Variants in FARP1 observed in about 807,000 individuals in gnomAD.
The protein encoded by FARP1 is FERM, ARHGEF and pleckstrin domain-containing protein 1.
Under a neutral mutation model 128.8 loss-of-function variants are expected in FARP1, and 52 were observed. The observed-to-expected ratio is 0.40, with a 90% confidence interval of 0.32 to 0.51. The LOEUF (loss-of-function observed/expected upper bound fraction) is 0.51, where lower values mean the gene tolerates loss of function less well. Ranked by LOEUF, FARP1 falls within the 20% of genes least tolerant of loss-of-function variation. The pLI is 0.45. For synonymous variants in FARP1, 580 were observed against 551.8 expected, an observed-to-expected ratio of 1.05 and a Z score of -0.72; for missense variants, 1,333 against 1,367.9, an observed-to-expected ratio of 0.97 and a Z score of 0.40.
intron 4 of FARP1, among the ~76,000 whole-genome samples, chr13:98,367,440 C>T (rs890877626): frequency 7.2e-5 from 11 of 152,012 alleles, no homozygotes; most frequent in African/African-American, 1.7e-4. Flanking sequence ...TGAGCCACCG[C>T]GCCTGGCCAC....
At chr13:98,383,420 C>T (rs1889965789) in intron 6 of FARP1, among the ~76,000 whole-genome samples, 2 of 152,180 alleles carry the variant, frequency 1.3e-5, no homozygotes, top group African/African-American at 4.8e-5. Flanking sequence ...TCTTCCAGTG[C>T]ACCGGCTGCT....
intron 2 of FARP1, among the ~76,000 whole-genome samples, chr13:98,287,042 C>T (rs1320494330): frequency 6.6e-6 from 1 of 152,090 alleles, no homozygotes; most frequent in East Asian, 1.9e-4. Context: ...TCATGACATG[C>T]TCCCAATAAA....
chr13:98,377,376 A>C (rs754552759), intron 5 of FARP1, among the ~76,000 whole-genome samples: 1,610 of 28,902 alleles, frequency 0.056, 12 homozygotes, highest in Middle Eastern at 0.15. Context: ...TTACACCACA[A>C]AAAAAAAAAA....
At chr13:98,160,778 T>G (rs560358094) in intron 1 of FARP1, among the ~76,000 whole-genome samples, 12 of 152,312 alleles carry the variant, frequency 7.9e-5, no homozygotes, top group Non-Finnish European at 1.5e-4. Flanking sequence ...TTCTCCTGCC[T>G]CAGCCTCCTG....
intron 1 of FARP1, among the ~76,000 whole-genome samples, chr13:98,153,461 T>TAAATATGTATA (rs1876214648): frequency 7.7e-6 from 1 of 129,182 alleles, no homozygotes; most frequent in Non-Finnish European, 1.6e-5. Flanking sequence ...TATAATACAT[T>TAAATATGTATA]ATATATAAAT....
At chr13:98,169,447 G>A (rs1416264959) in intron 1 of FARP1, among the ~76,000 whole-genome samples, 1 of 152,176 alleles carries the variant, frequency 6.6e-6, no homozygotes, top group Admixed American at 6.5e-5. Context: ...TATCTTTGCT[G>A]GATGCAGTGG....
intron 18 of FARP1, chr13:98,432,696 C>A (rs540785510): frequency 6.6e-6 from 1 of 152,302 alleles, no homozygotes; most frequent in Non-Finnish European, 1.5e-5. Flanking sequence ...CGGCTGACTG[C>A]CTCAGGCTAA....
chr13:98,379,490 C>T (rs1220501057), intron 6 of FARP1, among the ~76,000 whole-genome samples: 2 of 151,580 alleles, frequency 1.3e-5, no homozygotes, highest in Admixed American at 6.6e-5. Context: ...TACTAACCCC[C>T]CAGCCTCCAT....
intron 2 of FARP1, among the ~76,000 whole-genome samples, chr13:98,228,625 C>T (rs1458958107): frequency 6.6e-6 from 1 of 152,182 alleles, no homozygotes; most frequent in Non-Finnish European, 1.5e-5. Context: ...CCCTTTAAGG[C>T]TGTGACTGGC....
At chr13:98,207,908 C>CCACACACACACA (rs71111934) in intron 1 of FARP1, among the ~76,000 whole-genome samples, 1,753 of 71,554 alleles carry the variant, frequency 0.024, 220 homozygotes, top group East Asian at 0.061. Flanking sequence ...ACCACCACCT[C>CCACACACACACA]CACACACACA....
chr13:98,447,819 T>C (rs576180788), intron 26 of FARP1: 1 of 177,636 alleles, frequency 5.6e-6, no homozygotes, highest in African/African-American at 2.4e-5. Flanking sequence ...AACTCCAGTA[T>C]GAGTGACAGA....
At chr13:98,399,523 G>A (rs1446143767) in intron 13 of FARP1, 2 of 152,300 alleles carry the variant, frequency 1.3e-5, no homozygotes, top group Admixed American at 6.5e-5. Flanking sequence ...GCCAGAGGTA[G>A]GGTTGGGTGT....
At chr13:98,262,104 C>T (rs1883911705) in intron 2 of FARP1, among the ~76,000 whole-genome samples, 1 of 151,326 alleles carries the variant, frequency 6.6e-6, no homozygotes, top group Non-Finnish European at 1.5e-5. Context: ...CAACCTCCAC[C>T]TCCCGGGGTC....
chr13:98,179,936 G>A (rs1345771600), intron 1 of FARP1, among the ~76,000 whole-genome samples: 5 of 152,070 alleles, frequency 3.3e-5, no homozygotes, highest in African/African-American at 1.2e-4. Context: ...CCCACCTTTG[G>A]TTGTTCCCGG....
At chr13:98,154,564 A>C (rs1876365764) in intron 1 of FARP1, among the ~76,000 whole-genome samples, 1 of 152,188 alleles carries the variant, frequency 6.6e-6, no homozygotes, top group Non-Finnish European at 1.5e-5. Context: ...CCCAGAATGG[A>C]ACAGCGCCAG....
intron 1 of FARP1, among the ~76,000 whole-genome samples, chr13:98,162,116 A>C (rs996230117): frequency 6.6e-6 from 1 of 151,974 alleles, no homozygotes; most frequent in Non-Finnish European, 1.5e-5. Flanking sequence ...CTTTTTTCTC[A>C]CTGGCACTTG....
At chr13:98,276,216 A>G (rs1210770985) in intron 2 of FARP1, among the ~76,000 whole-genome samples, 1 of 152,212 alleles carries the variant, frequency 6.6e-6, no homozygotes, top group Non-Finnish European at 1.5e-5. Flanking sequence ...TGAGGAAGCA[A>G]GATGCTAAGA....
chr13:98,284,331 A>C (rs1414935017), intron 2 of FARP1, among the ~76,000 whole-genome samples: 1 of 152,116 alleles, frequency 6.6e-6, no homozygotes. Context: ...CCTTCCTTCT[A>C]TGTATAAATG....
At chr13:98,373,534 A>C (rs1422398258) in intron 5 of FARP1, among the ~76,000 whole-genome samples, 1 of 11,600 alleles carries the variant, frequency 8.6e-5, no homozygotes. Flanking sequence ...AGACAGACAG[A>C]CACACACACA....
Sources: gnomAD v4.1 joint callset for allele counts (sites outside exome capture counted in the v4.1 genomes callset) on GRCh38, gnomAD v4.1.1 for gene constraint, MANE v1.5 for transcripts, NCBI Gene and HGNC (gene_info 2026-07-23, HGNC 2026-07-21) for gene names.